SPINT2: variants seen among roughly 807,000 people sequenced by gnomAD.
SPINT2 encodes the protein serine peptidase inhibitor, Kunitz type 2.
SPINT2 carries 18 observed loss-of-function variants against 30.1 expected under a neutral mutation model. The ratio of observed to expected loss-of-function variants is 0.60; its 90% confidence interval spans 0.41 to 0.89. The LOEUF (loss-of-function observed/expected upper bound fraction) is 0.89, where lower values mean the gene tolerates loss of function less well. Among genes scored for constraint, SPINT2 ranks in the 40% least tolerant of loss-of-function variants. SPINT2 has a pLI of 0.00. For synonymous variants in SPINT2, 139 were observed against 137.9 expected (o/e 1.01, Z -0.05); for missense variants, 276 against 334.3 (o/e 0.83, Z 1.36).
intron 2 of SPINT2, among the ~76,000 whole-genome samples, chr19:38,285,130 C>T (rs911486739): frequency 6.6e-6 from 1 of 152,182 alleles, no homozygotes; most frequent in African/African-American, 2.4e-5. Context: ...TTGCGGCCCT[C>T]ACCTGCGAGG....
At chr19:38,269,901 G>A (rs576257671) in intron 1 of SPINT2, among the ~76,000 whole-genome samples, 3 of 152,228 alleles carry the variant, frequency 2.0e-5, no homozygotes, top group South Asian at 2.1e-4. Flanking sequence ...GAGCCACCGC[G>A]CCCGGCCTGA....
intron 2 of SPINT2, among the ~76,000 whole-genome samples, chr19:38,285,999 C>G (rs1193651183): frequency 6.6e-6 from 1 of 152,166 alleles, no homozygotes; most frequent in East Asian, 1.9e-4. Flanking sequence ...GCTGTGTGTT[C>G]CTGGGAGCAG....
chr19:38,287,972 A>G (rs1968663129), intron 3 of SPINT2, 37 bp downstream of exon 3: 3 of 1,602,820 alleles, frequency 1.9e-6, no homozygotes, highest in Non-Finnish European at 8.5e-7. Flanking sequence ...GAGTGAGGCC[A>G]CCGGATGGGT....
At chr19:38,283,048 G>A (rs1233994632) in intron 1 of SPINT2, among the ~76,000 whole-genome samples, 1 of 150,924 alleles carries the variant, frequency 6.6e-6, no homozygotes, top group African/African-American at 2.4e-5. Context: ...GTAGTGGCTC[G>A]TGCCTGTGAT....
chr19:38,272,232 G>A (rs918560542), intron 1 of SPINT2, among the ~76,000 whole-genome samples: 1 of 152,102 alleles, frequency 6.6e-6, no homozygotes, highest in African/African-American at 2.4e-5. Flanking sequence ...GTTTGTCCAT[G>A]TGTATGCCAG....
chr19:38,269,879 GA>G (rs1331687971), intron 1 of SPINT2, among the ~76,000 whole-genome samples: 2 of 152,266 alleles, frequency 1.3e-5, no homozygotes, highest in Non-Finnish European at 2.9e-5. Context: ...AAAGTGCTGG[GA>G]TTACAGGCGT....
chr19:38,289,361 GTAGT>G, intron 4 of SPINT2, 170 bp downstream of exon 4: 1 of 572,844 alleles, frequency 1.7e-6, no homozygotes, highest in Non-Finnish European at 3.2e-6. Context: ...GCATGCACCT[GTAGT>G]CCCAGCTACT....
At chr19:38,271,138 G>A (rs1183887341) in intron 1 of SPINT2, among the ~76,000 whole-genome samples, 1 of 152,188 alleles carries the variant, frequency 6.6e-6, no homozygotes, top group Non-Finnish European at 1.5e-5. Flanking sequence ...GTAGGAGCTA[G>A]AGTTTACTTA....
At chr19:38,281,555 CA>C (rs1968581712) in intron 1 of SPINT2, among the ~76,000 whole-genome samples, 1 of 151,890 alleles carries the variant, frequency 6.6e-6, no homozygotes, top group Non-Finnish European at 1.5e-5. Context: ...ACTAAAAATA[CA>C]AAATTAGCCA....
chr19:38,289,063 T>TGCCAGA (rs1968678527), intron 3 of SPINT2, 75 bp from the exon 4 acceptor site: 1 of 1,421,814 alleles, frequency 7.0e-7, no homozygotes, highest in African/African-American at 1.4e-5. Context: ...CAGTGGGCCC[T>TGCCAGA]TCCAGACCCA....
At position 38,274,823 on chromosome 19, in the gene SPINT2, A is replaced by AAAAC. The variant is rs1274423266; in HGVS notation, c.107-8801_107-8800insCAAA. Among the ~76,000 whole-genome samples, 4 of 151,822 alleles carry AAAAC rather than the reference A, an allele frequency of 2.6e-5. No homozygotes were observed. In the East Asian group the frequency reaches 5.8e-4, roughly 22 times the overall value. On this transcript the variant is annotated intron_variant, in intron 1 of 6. Coordinates refer to ENST00000301244, the MANE Select transcript of SPINT2 (RefSeq NM_021102.4). ...GAGTGAGACTGTCTTAAAAAAAAAA[A>AAAAC]AAAACATAAAATGGAGAGGTAGACC...
chr19:38,265,080 T>C, intron 1 of SPINT2, 82 bp downstream of exon 1: 1 of 413,164 alleles, frequency 2.4e-6, no homozygotes, highest in Non-Finnish European at 3.2e-6. Context: ...CAGGGAGAAC[T>C]GGCGGGGGAG....
chr19:38,292,082 C>T lies in SPINT2; in HGVS notation c.*76C>T, dbSNP rs906755328. On this transcript the variant is annotated 3_prime_UTR_variant, in exon 7 of 7. Coordinates refer to ENST00000301244, the MANE Select transcript of SPINT2 (RefSeq NM_021102.4). Reference sequence around the variant, plus strand: ...CTTTTTTTAAATAGAGGGATTGACTCGGATTTGAGTGATCATTAGGGCTGA... The same window carrying T: ...CTTTTTTTAAATAGAGGGATTGACTTGGATTTGAGTGATCATTAGGGCTGA... 26 of 1,559,010 alleles carry T rather than the reference C, an allele frequency of 1.7e-5. No individual in the cohort carries two copies. The Admixed American group carries it at 4.3e-4, about 26-fold the overall frequency.
Position 38,283,145 on chromosome 19 carries a change from G to A in SPINT2, c.107-482G>A, listed in dbSNP as rs544376043. ...TGGGCAACATGGTGAAACTCCATCT[G>A]TACTAAAAGTTCAGAAAAAAAAAGC... On this transcript the variant is annotated intron_variant, in intron 1 of 6. Coordinates refer to ENST00000301244, the MANE Select transcript of SPINT2 (RefSeq NM_021102.4). Among the ~76,000 whole-genome samples, 4 of 151,958 alleles carry A rather than the reference G, an allele frequency of 2.6e-5. No homozygotes were observed. The South Asian group carries it at 8.3e-4, about 32-fold the overall frequency.
At chr19:38,270,672 C>T (rs1381367205) in intron 1 of SPINT2, among the ~76,000 whole-genome samples, 3 of 152,194 alleles carry the variant, frequency 2.0e-5, no homozygotes, top group Non-Finnish European at 2.9e-5. Flanking sequence ...TTGCTTTGCC[C>T]AGTCAGTATT....
chr19:38,267,927 A>G (rs933846471), intron 1 of SPINT2, among the ~76,000 whole-genome samples: 9 of 152,126 alleles, frequency 5.9e-5, no homozygotes, highest in Non-Finnish European at 1.0e-4. Context: ...TCCCAGGAGC[A>G]AGGAGACCTC....
chr19:38,283,563 T>C, intron 1 of SPINT2, 64 bp from the exon 2 acceptor site: 1 of 1,604,038 alleles, frequency 6.2e-7, no homozygotes, highest in Non-Finnish European at 8.5e-7. Context: ...TGTACAGGTC[T>C]GTGCGTGTCC....
chr19:38,268,972 C>A (rs1968415129), intron 1 of SPINT2, among the ~76,000 whole-genome samples: 1 of 152,176 alleles, frequency 6.6e-6, no homozygotes, highest in African/African-American at 2.4e-5. Flanking sequence ...TTGAAAGGTC[C>A]TTTAGGAGTG....
At chr19:38,283,377 G>C (rs534369925) in intron 1 of SPINT2, among the ~76,000 whole-genome samples, 1 of 152,176 alleles carries the variant, frequency 6.6e-6, no homozygotes, top group Admixed American at 6.5e-5. Flanking sequence ...ATGGGGACAG[G>C]GGACAAAACA....
Sources: allele counts gnomAD v4.1 joint callset (sites outside exome capture counted in the v4.1 genomes callset), GRCh38; gene constraint gnomAD v4.1.1; transcripts MANE v1.5; gene names NCBI Gene and HGNC (gene_info 2026-07-23, HGNC 2026-07-21).